SEC63: variants seen among roughly 807,000 people sequenced by gnomAD.
SEC63 encodes translocation protein SEC63 homolog.
In SEC63, 56 loss-of-function variants were observed where a neutral mutation model predicts 116.2. That is an observed-to-expected ratio of 0.48 (90% confidence interval 0.39 to 0.60). The LOEUF (loss-of-function observed/expected upper bound fraction) is 0.60. SEC63 is among the 20% of genes least tolerant of loss of function. The pLI is 0.00. For missense variants in SEC63, 668 were observed against 900.0 expected (o/e 0.74, Z 3.30); for synonymous variants, 273 against 294.6 (o/e 0.93, Z 0.75).
chr6:107,954,464 T>TAAAAAAAAAAAAAAATAAAAAAA (rs1770664460), intron 1 of SEC63: 1 of 61,708 alleles, frequency 1.6e-5, no homozygotes, highest in Non-Finnish European at 2.8e-5. Flanking sequence ...AATGATCAAT[T>TAAAAAAAAAAAAAAATAAAAAAA]AAAAAAAAAA....
At chr6:107,877,392 T>TA (rs1262850932) in intron 18 of SEC63, 1 of 152,186 alleles carries the variant, frequency 6.6e-6, no homozygotes, top group African/African-American at 2.4e-5. Context: ...CCGAAATGGT[T>TA]AAAAAATCAT....
chr6:107,929,577 C>T, intron 1 of SEC63, 63 bp from the exon 2 acceptor site: 5 of 939,730 alleles, frequency 5.3e-6, no homozygotes, highest in Non-Finnish European at 6.9e-6. Flanking sequence ...GTAAAACCAG[C>T]TAACTGGTTA....
intron 7 of SEC63, among the ~76,000 whole-genome samples, chr6:107,910,593 C>T (rs1787256699): frequency 6.6e-6 from 1 of 151,850 alleles, no homozygotes; most frequent in South Asian, 2.1e-4. Context: ...ACATGTATGT[C>T]ATACACACAC....
intron 11 of SEC63, among the ~76,000 whole-genome samples, chr6:107,904,409 C>CAAA (rs1385624947): frequency 8.9e-6 from 1 of 111,754 alleles, no homozygotes. Flanking sequence ...GACTCCATCT[C>CAAA]AAAAAAAAAA....
At chr6:107,875,066 G>A (rs1057144725) in intron 19 of SEC63, among the ~76,000 whole-genome samples, 33 of 151,944 alleles carry the variant, frequency 2.2e-4, no homozygotes, top group African/African-American at 6.8e-4. Context: ...GTCTCACCAC[G>A]TTGCCCAGAC....
chr6:107,906,297 G>C, intron 10 of SEC63, 151 bp downstream of exon 10: 3 of 904,626 alleles, frequency 3.3e-6, no homozygotes, highest in Non-Finnish European at 1.8e-6. Context: ...TCAGAACAAT[G>C]AGCCAATTAA....
intron 3 of SEC63, 30 bp from the exon 4 acceptor site, chr6:107,921,939 T>C (rs1787568003): frequency 1.6e-6 from 2 of 1,284,524 alleles, no homozygotes; most frequent in Admixed American, 3.5e-5. Flanking sequence ...AAAAACAAGC[T>C]TTCTGTTAGC....
chr6:107,891,502 G>A (rs773280251), intron 16 of SEC63, among the ~76,000 whole-genome samples: 107 of 151,990 alleles, frequency 7.0e-4, no homozygotes, highest in Admixed American at 3.1e-3. Flanking sequence ...CATTGGGTTA[G>A]AACATGCTCC....
In SEC63 at chr6:107,901,461, A is replaced by C. The variant is rs1787001637; in HGVS notation, c.1266T>G (p.Thr422=). 6.2e-7 allele frequency: 1 copy of C among 1,610,422 alleles called. No homozygotes were observed. Among genetic ancestry groups the C allele is most frequent in the South Asian group, 1.1e-5 (1 of 90,990 alleles). ...TTTCATCTTCAAGGAAGTGCAGTAGAGTGTGACGATCTGATTCTTTTAAAC... is the reference window on the plus strand; with the variant it reads ...TTTCATCTTCAAGGAAGTGCAGTAGCGTGTGACGATCTGATTCTTTTAAAC... ...LVSLKESDRH[T]LLHFLEDEKY... is the part of the protein sequence containing the mutation. Residue 422 remains threonine, a synonymous_variant, in exon 13 of 21, where the codon ACT becomes ACG. Coordinates refer to ENST00000369002, the MANE Select transcript of SEC63 (RefSeq NM_007214.5).
In SEC63 at chr6:107,871,587, A is replaced by G. The variant is rs1786134125; in HGVS notation, c.*117T>C. On this transcript the variant is annotated 3_prime_UTR_variant, in exon 21 of 21. Coordinates refer to ENST00000369002, the MANE Select transcript of SEC63 (RefSeq NM_007214.5). ...TATATTATGCACCCATTTCAAGAGT[A>G]AAAAAACTACACCTCCCTCAACATC... The G allele has an allele frequency of 5.3e-6, 5 of 950,296 alleles. No homozygotes were observed. In the East Asian group the frequency reaches 9.5e-5, roughly 18 times the overall value. The allele number at this position is 950,296 out of a possible 1,614,324, so 58.9% of individuals were successfully genotyped here. A position where few individuals can be genotyped will look rare whatever the true frequency, so the allele number is the denominator to read the frequency against.
chr6:107,894,143 C>G (rs1398282833), intron 14 of SEC63, among the ~76,000 whole-genome samples: 1 of 152,188 alleles, frequency 6.6e-6, no homozygotes, highest in East Asian at 1.9e-4. Context: ...TTTACAAACA[C>G]AGTAAGGATA....
chr6:107,898,351 T>A (rs902502038), intron 13 of SEC63, among the ~76,000 whole-genome samples: 4 of 151,792 alleles, frequency 2.6e-5, no homozygotes, highest in African/African-American at 9.7e-5. Flanking sequence ...CAAACCCAGG[T>A]TTCTGAAAAC....
rs916695991 is a variant in SEC63 at position 107,869,857 on chromosome 6, G to C, written c.*1847C>G. 1.1e-4 allele frequency: 16 copies of C among 148,286 alleles called. No individual in the cohort carries two copies. The highest frequency in any genetic ancestry group is 3.5e-4 in the African/African-American group (14 of 40,278). The allele number at this position is 148,286 out of a possible 1,614,324, so 9.2% of individuals were successfully genotyped here. Reference sequence around the variant, plus strand: ...AATCTTAAAACCAGAGAAGCCAGCTGTGTGAATGAACTTATAAAGCCTCTT... The same window carrying C: ...AATCTTAAAACCAGAGAAGCCAGCTCTGTGAATGAACTTATAAAGCCTCTT... On this transcript the variant is annotated 3_prime_UTR_variant, in exon 21 of 21. Coordinates refer to ENST00000369002, the MANE Select transcript of SEC63 (RefSeq NM_007214.5).
rs1786072272 is a variant in SEC63, at chr6:107,869,369, A to C, written c.*2335T>G. On this transcript the variant is annotated 3_prime_UTR_variant, in exon 21 of 21. Transcript: ENST00000369002. ...TCTCCTCATGAACAGCTGTATTTTAATAGGTACTTTACCAATTAGAGAAAA... is the reference window on the plus strand; with the variant it reads ...TCTCCTCATGAACAGCTGTATTTTACTAGGTACTTTACCAATTAGAGAAAA... 1.3e-5 allele frequency: 2 copies of C among 152,216 alleles called. No individual in the cohort carries two copies. Among genetic ancestry groups the C allele is most frequent in the South Asian group, 4.1e-4 (2 of 4,832 alleles). The allele number at this position is 152,216 out of a possible 1,614,324, so 9.4% of individuals were successfully genotyped here.
At chr6:107,893,973 A>C in intron 14 of SEC63, 76 bp from the exon 15 acceptor site, 1 of 1,470,302 alleles carries the variant, frequency 6.8e-7, no homozygotes, top group Non-Finnish European at 9.4e-7. Context: ...GCAATCTTTC[A>C]AACTGCATTT....
At chr6:107,915,270 A>G (rs540717289) in intron 4 of SEC63, among the ~76,000 whole-genome samples, 2 of 152,164 alleles carry the variant, frequency 1.3e-5, no homozygotes, top group East Asian at 3.9e-4. Context: ...TCTCTTATGA[A>G]TCTAAGGAAA....
intron 1 of SEC63, among the ~76,000 whole-genome samples, chr6:107,933,879 C>T (rs974080026): frequency 2.1e-4 from 32 of 152,246 alleles, no homozygotes; most frequent in Non-Finnish European, 3.4e-4. Flanking sequence ...CGCCGCCACG[C>T]CTGACTGGTT....
At chr6:107,908,402 C>A (rs966408919) in intron 8 of SEC63, among the ~76,000 whole-genome samples, 2 of 152,132 alleles carry the variant, frequency 1.3e-5, no homozygotes, top group African/African-American at 2.4e-5. Context: ...TTTCTTTCAA[C>A]ACACCTAAGA....
At position 107,898,984 on chromosome 6, in the gene SEC63, C is replaced by A. The variant is rs9386681; in HGVS notation, c.1358-1253G>T. ...AAGGGTATGGTATCCCTTCTTCACCCTGGAAGTCTCCATTATCAAAAATCA... is the reference window on the plus strand; with the variant it reads ...AAGGGTATGGTATCCCTTCTTCACCATGGAAGTCTCCATTATCAAAAATCA... On this transcript the variant is annotated intron_variant, in intron 13 of 20. Coordinates refer to ENST00000369002, the MANE Select transcript of SEC63 (RefSeq NM_007214.5). Among the ~76,000 whole-genome samples, 2,060 of 152,314 alleles carry A rather than the reference C, an allele frequency of 0.014. 98 individuals are homozygous for A. The East Asian group carries it at 0.16, about 12-fold the overall frequency.
Sources: gnomAD v4.1 joint callset for allele counts (sites outside exome capture counted in the v4.1 genomes callset) on GRCh38, gnomAD v4.1.1 for gene constraint, MANE v1.5 for transcripts, NCBI Gene and HGNC (gene_info 2026-07-23, HGNC 2026-07-21) for gene names.